TMEM132D: variants seen among roughly 807,000 people sequenced by gnomAD.
TMEM132D encodes transmembrane protein 132D.
A neutral mutation model predicts 62.3 loss-of-function variants in TMEM132D; 21 were observed. The ratio of observed to expected loss-of-function variants is 0.34; its 90% confidence interval spans 0.24 to 0.49. The LOEUF is 0.49. TMEM132D is among the 20% of genes least tolerant of loss of function. TMEM132D has a pLI of 0.99. For missense variants in TMEM132D, 1,346 were observed against 1,402.8 expected (o/e 0.96, Z 0.65); for synonymous variants, 621 against 575.6 (o/e 1.08, Z -1.13).
chr12:129,625,547 G>A (rs954896874), intron 2 of TMEM132D, among the ~76,000 whole-genome samples: 10 of 152,224 alleles, frequency 6.6e-5, no homozygotes, highest in South Asian at 2.1e-4. Flanking sequence ...TCCCCAATAC[G>A]AGACACTTTC....
intron 3 of TMEM132D, among the ~76,000 whole-genome samples, chr12:129,507,956 T>C (rs1875387444): frequency 6.6e-6 from 1 of 152,178 alleles, no homozygotes; most frequent in African/African-American, 2.4e-5. Context: ...TTTGGTCCAC[T>C]ATCAACTCAG....
At chr12:129,272,090 A>T (rs919617010) in intron 4 of TMEM132D, among the ~76,000 whole-genome samples, 2 of 151,808 alleles carry the variant, frequency 1.3e-5, no homozygotes, top group African/African-American at 4.9e-5. Context: ...AGTCGGGGTG[A>T]TTGGATGCCA....
At chr12:129,550,171 C>T (rs73155277) in intron 2 of TMEM132D, among the ~76,000 whole-genome samples, 29,288 of 152,064 alleles carry the variant, frequency 0.19, 3,298 homozygotes, top group East Asian at 0.42. Flanking sequence ...ACAGCAAGCA[C>T]TGGATGAAAA....
chr12:129,637,156 C>T (rs1332174858), intron 2 of TMEM132D, among the ~76,000 whole-genome samples: 2 of 152,128 alleles, frequency 1.3e-5, no homozygotes, highest in Non-Finnish European at 2.9e-5. Flanking sequence ...AGAGATTTAA[C>T]TATAATAGCC....
intron 5 of TMEM132D, among the ~76,000 whole-genome samples, chr12:129,200,494 C>T (rs947251554): frequency 1.1e-4 from 16 of 152,152 alleles, no homozygotes; most frequent in African/African-American, 2.7e-4. Context: ...ATCAGTGAGG[C>T]GGCGCAATCC....
chr12:129,504,195 T>C (rs994317670), intron 3 of TMEM132D, among the ~76,000 whole-genome samples: 3 of 152,174 alleles, frequency 2.0e-5, no homozygotes, highest in African/African-American at 7.2e-5. Context: ...AATTCTTCAG[T>C]TGATTCTCTT....
At chr12:129,682,861 A>AAG (rs1477819146) in intron 2 of TMEM132D, 2 of 135,332 alleles carry the variant, frequency 1.5e-5, no homozygotes, top group Non-Finnish European at 3.0e-5. Flanking sequence ...TCCATCTCTA[A>AAG]AAAAAAAAAA....
At chr12:129,131,668 C>T (rs1400090738) in intron 5 of TMEM132D, among the ~76,000 whole-genome samples, 1 of 152,030 alleles carries the variant, frequency 6.6e-6, no homozygotes, top group East Asian at 1.9e-4. Context: ...GTATGAGAAT[C>T]CAGCATGCTC....
intron 3 of TMEM132D, among the ~76,000 whole-genome samples, chr12:129,357,633 A>T (rs548103243): frequency 6.6e-6 from 1 of 152,212 alleles, no homozygotes; most frequent in East Asian, 1.9e-4. Flanking sequence ...AGTGGCAAGG[A>T]GTTTGTCATT....
intron 1 of TMEM132D, among the ~76,000 whole-genome samples, chr12:129,861,250 G>A (rs1234245961): frequency 6.6e-6 from 1 of 152,170 alleles, no homozygotes; most frequent in Non-Finnish European, 1.5e-5. Context: ...AAACATAGAG[G>A]ATGTGATCTA....
At chr12:129,878,395 C>G (rs1874496015) in intron 1 of TMEM132D, among the ~76,000 whole-genome samples, 1 of 152,158 alleles carries the variant, frequency 6.6e-6, no homozygotes, top group South Asian at 2.1e-4. Flanking sequence ...CTTTCTCTGT[C>G]CTATTCTGTG....
chr12:129,289,546 A>AT lies in TMEM132D; in HGVS notation c.1299+48087dup, dbSNP rs570452844. On this transcript the variant is annotated intron_variant, in intron 4 of 8. Coordinates refer to ENST00000422113, the MANE Select transcript of TMEM132D (RefSeq NM_133448.3). ...GTGACAAGAGTGAAATTCCATCTCAATAAAAAAAAAAAAAAAAAGAAAAAA... is the reference window on the plus strand; with the variant it reads ...GTGACAAGAGTGAAATTCCATCTCAATTAAAAAAAAAAAAAAAAAGAAAAAA... Among the ~76,000 whole-genome samples, 337 of 137,282 alleles carry AT rather than the reference A, an allele frequency of 2.5e-3. 2 individuals carry two copies. Among genetic ancestry groups the AT allele is most frequent in the Non-Finnish European group, 3.8e-3 (247 of 64,484 alleles). The allele number at this position is 137,282 out of a possible 152,430, so 90.1% of individuals were successfully genotyped here. A position where few individuals can be genotyped will look rare whatever the true frequency, so the allele number is the denominator to read the frequency against.
intron 3 of TMEM132D, among the ~76,000 whole-genome samples, chr12:129,475,484 G>C (rs1276572781): frequency 6.6e-6 from 1 of 152,202 alleles, no homozygotes; most frequent in East Asian, 1.9e-4. Flanking sequence ...GAAAATAAAG[G>C]AGTCAGGTCT....
intron 2 of TMEM132D, among the ~76,000 whole-genome samples, chr12:129,664,201 C>T (rs1032920180): frequency 2.6e-5 from 4 of 152,154 alleles, no homozygotes; most frequent in Admixed American, 1.3e-4. Context: ...GTTGTGATTG[C>T]GGAGCACAGC....
intron 1 of TMEM132D, among the ~76,000 whole-genome samples, chr12:129,718,553 G>A (rs1278240796): frequency 6.6e-6 from 1 of 152,180 alleles, no homozygotes; most frequent in African/African-American, 2.4e-5. Flanking sequence ...GTTTACTTAT[G>A]AAGGCCTTTT....
At chr12:129,563,881 A>G (rs919018278) in intron 2 of TMEM132D, among the ~76,000 whole-genome samples, 8 of 152,206 alleles carry the variant, frequency 5.3e-5, no homozygotes, top group African/African-American at 1.9e-4. Context: ...GAATGCTGAC[A>G]TGGCGGTACT....
intron 4 of TMEM132D, among the ~76,000 whole-genome samples, chr12:129,286,978 G>GT (rs1881317658): frequency 6.6e-6 from 1 of 151,956 alleles, no homozygotes; most frequent in African/African-American, 2.4e-5. Context: ...AACTTGGGAG[G>GT]TGGAGGTTGC....
chr12:129,289,359 C>T (rs918576085), intron 4 of TMEM132D, among the ~76,000 whole-genome samples: 1 of 151,810 alleles, frequency 6.6e-6, no homozygotes, highest in Non-Finnish European at 1.5e-5. Context: ...GCCTGGCCAA[C>T]GTGGTGAAAC....
intron 3 of TMEM132D, among the ~76,000 whole-genome samples, chr12:129,444,573 C>A (rs1566070629): frequency 6.6e-6 from 1 of 152,114 alleles, no homozygotes; most frequent in Non-Finnish European, 1.5e-5. Context: ...AGATATTAAG[C>A]TGGACATGCA....
Sources: allele counts gnomAD v4.1 joint callset (sites outside exome capture counted in the v4.1 genomes callset), GRCh38; gene constraint gnomAD v4.1.1; transcripts MANE v1.5; gene names NCBI Gene and HGNC (gene_info 2026-07-23, HGNC 2026-07-21).